GPHN: variants seen among roughly 807,000 people sequenced by gnomAD.
The protein encoded by GPHN is gephyrin.
In GPHN, 17 loss-of-function variants were observed where a neutral mutation model predicts 95.5. The ratio of observed to expected loss-of-function variants is 0.18; its 90% CI spans 0.12 to 0.27. GPHN has a LOEUF of 0.27. Ranked by LOEUF, GPHN falls within the 10% of genes least tolerant of loss-of-function variation. The probability of loss-of-function intolerance (pLI) is 1.00; values close to 1 mark genes in which losing one functional copy is unlikely to be tolerated. For synonymous variants in GPHN, 320 were observed against 322.5 expected, an observed-to-expected ratio of 0.99 and a Z score of 0.08; for missense variants, 660 against 978.1, an observed-to-expected ratio of 0.67 and a Z score of 4.34.
At position 66,508,608 on chromosome 14, in the gene GPHN, G is replaced by A. The variant is rs2057888621; in HGVS notation, c.64+17G>A. 2 of 1,605,346 alleles carry A rather than the reference G, an allele frequency of 1.2e-6. No individual in the cohort carries two copies. Among genetic ancestry groups the A allele is most frequent in the African/African-American group, 1.3e-5 (1 of 74,768 alleles). On this transcript the variant is annotated intron_variant, in intron 1 of 22. Transcript: ENST00000478722. Reference sequence around the variant, plus strand: ...TCCTTACAGGTAACCGGGGGAGGAGGTCTGGGACCTATGAGGCTGCTGTCC... The same window carrying A: ...TCCTTACAGGTAACCGGGGGAGGAGATCTGGGACCTATGAGGCTGCTGTCC...
the GPHN span, among the ~76,000 whole-genome samples, chr14:67,464,038 T>A: frequency 6.6e-6 from 1 of 152,022 alleles, no homozygotes. Flanking sequence ...CAGAGGTTAG[T>A]GTGCATGAGG....
the GPHN span, among the ~76,000 whole-genome samples, chr14:67,453,202 A>G: frequency 1.5e-4 from 22 of 149,300 alleles, no homozygotes; most frequent in Admixed American, 1.5e-3. Flanking sequence ...TGCTGCTCCA[A>G]TTATCCCCCG....
chr14:66,870,932 A>T (rs2063409131), intron 4 of GPHN, among the ~76,000 whole-genome samples: 1 of 152,230 alleles, frequency 6.6e-6, no homozygotes, highest in South Asian at 2.1e-4. Flanking sequence ...ATACCACAGA[A>T]GCAAAGCCCA....
the GPHN span, among the ~76,000 whole-genome samples, chr14:67,192,867 T>G: frequency 6.9e-6 from 1 of 145,772 alleles, no homozygotes; most frequent in Non-Finnish European, 1.5e-5. Flanking sequence ...CAGATATATA[T>G]AGATATATAG....
At chr14:67,716,714 T>C in the GPHN span, among the ~76,000 whole-genome samples, 1 of 152,056 alleles carries the variant, frequency 6.6e-6, no homozygotes, top group African/African-American at 2.4e-5. Flanking sequence ...TGAAACCCCA[T>C]CTCTACTGAA....
intron 17 of GPHN, among the ~76,000 whole-genome samples, chr14:67,132,503 G>T (rs894794074): frequency 9.9e-5 from 15 of 151,818 alleles, no homozygotes; most frequent in African/African-American, 3.6e-4. Flanking sequence ...AGCTGGGATA[G>T]ATTTATTTTC....
chr14:66,580,629 A>C (rs1184248133), intron 1 of GPHN, among the ~76,000 whole-genome samples: 1 of 151,866 alleles, frequency 6.6e-6, no homozygotes, highest in Non-Finnish European at 1.5e-5. Context: ...TGAATCATGA[A>C]GAAGTTGAAA....
chr14:66,844,274 C>G (rs1332341851), intron 4 of GPHN, among the ~76,000 whole-genome samples: 2 of 152,006 alleles, frequency 1.3e-5, no homozygotes, highest in African/African-American at 2.4e-5. Context: ...GATATTTTCT[C>G]ATTATTGTAT....
intron 12 of GPHN, among the ~76,000 whole-genome samples, chr14:67,092,829 T>A (rs72715356): frequency 0.051 from 7,794 of 152,212 alleles, 215 homozygotes; most frequent in Middle Eastern, 0.068. Flanking sequence ...ATATTTACAA[T>A]TTGAATCAAT....
intron 2 of GPHN, among the ~76,000 whole-genome samples, chr14:66,742,063 T>C (rs1418892682): frequency 6.6e-6 from 1 of 152,200 alleles, no homozygotes; most frequent in Non-Finnish European, 1.5e-5. Flanking sequence ...TATTGAACGC[T>C]CTTCCTTGAC....
intron 17 of GPHN, among the ~76,000 whole-genome samples, chr14:67,135,622 A>C (rs1179307667): frequency 6.6e-6 from 1 of 152,134 alleles, no homozygotes; most frequent in Non-Finnish European, 1.5e-5. Flanking sequence ...GTAGCTTGTA[A>C]GATTTTCTGT....
At chr14:66,525,652 C>T (rs1200615626) in intron 1 of GPHN, among the ~76,000 whole-genome samples, 2 of 152,128 alleles carry the variant, frequency 1.3e-5, no homozygotes, top group Non-Finnish European at 2.9e-5. Context: ...TTTAATCTGT[C>T]TTGAGTTAAT....
chr14:66,711,245 G>A (rs1057322543), intron 2 of GPHN, among the ~76,000 whole-genome samples: 1 of 152,048 alleles, frequency 6.6e-6, no homozygotes, highest in African/African-American at 2.4e-5. Context: ...TTATGCCTTT[G>A]TGTCCTCATA....
intron 2 of GPHN, among the ~76,000 whole-genome samples, chr14:66,741,996 G>A (rs1324868042): frequency 6.6e-6 from 1 of 152,084 alleles, no homozygotes; most frequent in African/African-American, 2.4e-5. Context: ...GTCCTCTTGA[G>A]CAAAAACAAG....
chr14:66,893,074 C>G (rs951532540), intron 5 of GPHN, among the ~76,000 whole-genome samples: 1 of 152,128 alleles, frequency 6.6e-6, no homozygotes, highest in African/African-American at 2.4e-5. Flanking sequence ...TGAGGACCAC[C>G]TCAACACAGG....
chr14:67,730,033 T>C, the GPHN span, among the ~76,000 whole-genome samples: 1 of 152,232 alleles, frequency 6.6e-6, no homozygotes, highest in Non-Finnish European at 1.5e-5. Flanking sequence ...TCTTAGTGTC[T>C]GATGAGAGGG....
At chr14:66,714,016 G>T (rs543660757) in intron 2 of GPHN, among the ~76,000 whole-genome samples, 1 of 152,098 alleles carries the variant, frequency 6.6e-6, no homozygotes, top group Non-Finnish European at 1.5e-5. Context: ...TGATCTGCCC[G>T]CCTTGGCCTC....
At chr14:66,704,067 CAAA>C (rs2068829692) in intron 2 of GPHN, among the ~76,000 whole-genome samples, 1 of 150,584 alleles carries the variant, frequency 6.6e-6, no homozygotes, top group Admixed American at 6.6e-5. Context: ...CAAAAAAAGA[CAAA>C]GAAGGGCATT....
intron 12 of GPHN, 58 bp downstream of exon 12, chr14:67,089,133 CTTTTTTTTTTT>C (rs1163483546): frequency 2.1e-4 from 43 of 200,450 alleles, no homozygotes; most frequent in South Asian, 1.7e-3. Flanking sequence ...TTCTTTTTTT[CTTTTTTTTTTT>C]TTTTTTTTTT....
Sources: gnomAD v4.1 joint callset for allele counts (sites outside exome capture counted in the v4.1 genomes callset) on GRCh38, gnomAD v4.1.1 for gene constraint, MANE v1.5 for transcripts, NCBI Gene and HGNC (gene_info 2026-07-23, HGNC 2026-07-21) for gene names.